Variants in SEMA5B observed in about 807,000 individuals in gnomAD.
SEMA5B encodes semaphorin-5B.
A neutral mutation model predicts 135.0 loss-of-function variants in SEMA5B; 66 were observed. That is an observed-to-expected ratio of 0.49 (90% CI 0.40 to 0.60). The LOEUF (loss-of-function observed/expected upper bound fraction) is 0.60, where lower values mean the gene tolerates loss of function less well. SEMA5B is among the 20% of genes least tolerant of loss of function. SEMA5B has a pLI of 0.00. For missense variants in SEMA5B, 1,501 were observed against 1,566.3 expected (o/e 0.96, Z 0.70); for synonymous variants, 690 against 639.5 (o/e 1.08, Z -1.19).
intron 12 of SEMA5B, among the ~76,000 whole-genome samples, chr3:122,918,746 T>C (rs1938199136): frequency 1.3e-5 from 2 of 152,210 alleles, no homozygotes; most frequent in South Asian, 4.1e-4. Context: ...CTGAGGCTTC[T>C]TGAGGCCAGT....
In SEMA5B at chr3:122,986,905, C is replaced by T. The variant is rs542906225; in HGVS notation, c.-38-25604G>A. On this transcript the variant is annotated intron_variant, in intron 1 of 22. Transcript: ENST00000357599. ...CATAAAACATGAGTTTAGGAGGGCC[C>T]GGCCGTGAGCTAGCAGGCCTTGGGG... 2.6e-5 allele frequency among the ~76,000 whole-genome samples: 4 copies of T among 152,196 alleles called. 1 individual carries two copies. The highest frequency in any genetic ancestry group is 2.1e-4 in the South Asian group (1 of 4,814).
chr3:123,018,391 C>T (rs552630860), intron 1 of SEMA5B, among the ~76,000 whole-genome samples: 6 of 152,388 alleles, frequency 3.9e-5, no homozygotes, highest in South Asian at 4.1e-4. Context: ...TCACCCTCAG[C>T]GTTTTCTCCC....
chr3:123,017,419 G>A (rs1202845791), intron 1 of SEMA5B, among the ~76,000 whole-genome samples: 1 of 152,126 alleles, frequency 6.6e-6, no homozygotes, highest in Non-Finnish European at 1.5e-5. Context: ...GCCACGCTGT[G>A]TTTGAAGCCA....
chr3:122,929,415 C>G (rs375940124), intron 5 of SEMA5B, among the ~76,000 whole-genome samples: 2 of 152,188 alleles, frequency 1.3e-5, no homozygotes, highest in South Asian at 2.1e-4. Context: ...CCACCCCAGG[C>G]CCTGGGTGGG....
At chr3:122,925,959 A>T (rs1938609574) in intron 9 of SEMA5B, among the ~76,000 whole-genome samples, 1 of 152,192 alleles carries the variant, frequency 6.6e-6, no homozygotes, top group African/African-American at 2.4e-5. Flanking sequence ...AGCACAGTCT[A>T]GATGGGAGGT....
chr3:122,993,698 A>C (rs567215058), intron 1 of SEMA5B, among the ~76,000 whole-genome samples: 1 of 151,978 alleles, frequency 6.6e-6, no homozygotes, highest in South Asian at 2.1e-4. Flanking sequence ...AGAGACACAG[A>C]ATCCAGAACA....
At chr3:122,995,597 G>C (rs968410224) in intron 1 of SEMA5B, among the ~76,000 whole-genome samples, 6 of 152,222 alleles carry the variant, frequency 3.9e-5, no homozygotes, top group Non-Finnish European at 5.9e-5. Context: ...CAGCACCCAA[G>C]CTTGAGAGGG....
chr3:122,931,532 C>T (rs556809773), intron 5 of SEMA5B, among the ~76,000 whole-genome samples: 1 of 152,100 alleles, frequency 6.6e-6, no homozygotes, highest in Non-Finnish European at 1.5e-5. Flanking sequence ...TGAAAGTGCT[C>T]TTATTCAGAC....
At chr3:123,015,827 G>C (rs1214638333) in intron 1 of SEMA5B, among the ~76,000 whole-genome samples, 1 of 152,216 alleles carries the variant, frequency 6.6e-6, no homozygotes, top group Non-Finnish European at 1.5e-5. Context: ...GCAACCTGCA[G>C]CTCCAAAGAG....
chr3:122,980,459 T>A (rs1454727198), intron 1 of SEMA5B, among the ~76,000 whole-genome samples: 4 of 103,746 alleles, frequency 3.9e-5, no homozygotes, highest in Non-Finnish European at 7.4e-5. Flanking sequence ...AAAAGCCGTG[T>A]CAAAAAAAAA....
chr3:122,927,218 G>C (rs1938685085), intron 8 of SEMA5B, among the ~76,000 whole-genome samples: 1 of 152,116 alleles, frequency 6.6e-6, no homozygotes, highest in Admixed American at 6.5e-5. Flanking sequence ...GCTGGCTCTT[G>C]CTCTTTCACC....
At chr3:122,933,160 G>T (rs1939070073) in intron 5 of SEMA5B, among the ~76,000 whole-genome samples, 1 of 151,786 alleles carries the variant, frequency 6.6e-6, no homozygotes, top group African/African-American at 2.4e-5. Flanking sequence ...TTAGCCTGGG[G>T]CTTACCTTCT....
intron 1 of SEMA5B, among the ~76,000 whole-genome samples, chr3:122,997,788 G>A (rs1052255960): frequency 1.3e-5 from 2 of 152,084 alleles, no homozygotes; most frequent in African/African-American, 4.8e-5. Context: ...AGTCTTTGAG[G>A]GAAGCTCATC....
intron 10 of SEMA5B, 53 bp from the exon 11 acceptor site, chr3:122,922,500 C>T: frequency 1.3e-6 from 2 of 1,502,656 alleles, no homozygotes; most frequent in South Asian, 1.2e-5. Context: ...CTGCCGCCAT[C>T]CCCCGCCGGC....
intron 3 of SEMA5B, 113 bp from the exon 4 acceptor site, chr3:122,943,648 A>ACCAGGTCT: frequency 1.4e-6 from 1 of 714,134 alleles, no homozygotes; most frequent in Non-Finnish European, 2.4e-6. Context: ...GGGCGGTGGC[A>ACCAGGTCT]CCCGGGAGAC....
Position 122,911,557 on chromosome 3 carries a change from G to A in SEMA5B, c.3047-22C>T, listed in dbSNP as rs1576325294. The A allele has an allele frequency of 2.5e-6, 4 of 1,605,620 alleles. No individual in the cohort carries two copies. In the South Asian group the frequency reaches 3.4e-5, roughly 13 times the overall value. Reference sequence around the variant, plus strand: ...ATGACTGCAGGAAGACCAGTGGACAGGGTGTCAGGGGCGGAGACGAGAGGA... The same window carrying A: ...ATGACTGCAGGAAGACCAGTGGACAAGGTGTCAGGGGCGGAGACGAGAGGA... On this transcript the variant is annotated intron_variant, in intron 20 of 22. Transcript: ENST00000357599.
chr3:122,958,796 C>T (rs1315924706), intron 2 of SEMA5B, among the ~76,000 whole-genome samples: 1 of 152,084 alleles, frequency 6.6e-6, no homozygotes, highest in Non-Finnish European at 1.5e-5. Context: ...CTACCCCCAC[C>T]CCCTTGCCCT....
chr3:122,936,681 G>A (rs1451754525), intron 5 of SEMA5B, among the ~76,000 whole-genome samples: 2 of 152,150 alleles, frequency 1.3e-5, no homozygotes, highest in African/African-American at 2.4e-5. Context: ...TCAGCAGCCC[G>A]GGGATGCTGT....
intron 1 of SEMA5B, among the ~76,000 whole-genome samples, chr3:123,004,497 G>C (rs183130125): frequency 6.6e-6 from 1 of 152,300 alleles, no homozygotes; most frequent in Non-Finnish European, 1.5e-5. Context: ...ATTACTCCGT[G>C]TAAGAAGGCA....
Sources: allele counts gnomAD v4.1 joint callset (sites outside exome capture counted in the v4.1 genomes callset), GRCh38; gene constraint gnomAD v4.1.1; transcripts MANE v1.5; gene names NCBI Gene and HGNC (gene_info 2026-07-23, HGNC 2026-07-21).